The following ARHGAP44 variants were observed in gnomAD, a reference collection of about 807,000 sequenced individuals.
ARHGAP44 encodes Rho GTPase activating protein 44, also known as rho GTPase-activating protein 44.
A neutral mutation model predicts 106.8 loss-of-function variants in ARHGAP44; 43 were observed. The ratio of observed to expected loss-of-function variants is 0.40; its 90% CI spans 0.32 to 0.52. The LOEUF is 0.52. Among genes scored for constraint, ARHGAP44 ranks in the 20% least tolerant of loss-of-function variants. The pLI, the probability that ARHGAP44 is intolerant of heterozygous loss-of-function variation, is 0.48. For synonymous variants in ARHGAP44, 439 were observed against 410.3 expected (o/e 1.07, Z -0.85); for missense variants, 866 against 1,050.5 (o/e 0.82, Z 2.43).
intron 19 of ARHGAP44, among the ~76,000 whole-genome samples, chr17:12,980,670 G>A (rs1247760840): frequency 1.3e-5 from 2 of 152,218 alleles, no homozygotes; most frequent in African/African-American, 4.8e-5. Context: ...GATAGCTTCT[G>A]TAGTACCTGA....
chr17:12,934,438 G>A (rs1441537331), intron 7 of ARHGAP44, among the ~76,000 whole-genome samples: 1 of 152,160 alleles, frequency 6.6e-6, no homozygotes, highest in Non-Finnish European at 1.5e-5. Flanking sequence ...CATGTCATGG[G>A]AAGTAAATGA....
At chr17:12,968,654 C>T (rs559478782) in intron 16 of ARHGAP44, among the ~76,000 whole-genome samples, 23 of 152,226 alleles carry the variant, frequency 1.5e-4, no homozygotes, top group South Asian at 2.1e-4. Flanking sequence ...AGCAGAGCCC[C>T]GCGAGACTAA....
chr17:12,876,032 T>TAGAA (rs1266404776), intron 1 of ARHGAP44, among the ~76,000 whole-genome samples: 1 of 152,250 alleles, frequency 6.6e-6, no homozygotes, highest in African/African-American at 2.4e-5. Context: ...CTAGAAGCTC[T>TAGAA]AACTGCTTTC....
intron 1 of ARHGAP44, among the ~76,000 whole-genome samples, chr17:12,842,148 T>TAAA (rs111785464): frequency 0.025 from 3,589 of 142,396 alleles, 130 homozygotes; most frequent in African/African-American, 0.083. Context: ...CCACTGGGTT[T>TAAA]AAAAAAAAAA....
chr17:12,792,613 G>A (rs543006169), intron 1 of ARHGAP44, among the ~76,000 whole-genome samples: 1 of 152,254 alleles, frequency 6.6e-6, no homozygotes, highest in South Asian at 2.1e-4. Flanking sequence ...TTGGAATTTG[G>A]ACTTTAGGTG....
intron 1 of ARHGAP44, among the ~76,000 whole-genome samples, chr17:12,851,155 C>T (rs1247834302): frequency 1.3e-5 from 2 of 152,246 alleles, no homozygotes; most frequent in East Asian, 3.8e-4. Context: ...TCCCCGGGTC[C>T]TGCCTGTCAG....
rs143615721 is a variant in ARHGAP44 at position 12,937,921 on chromosome 17, T to C, written c.583-3135T>C. The stretch of plus-strand genomic sequence containing the variant: ...TTTGAGACTAGCCTGACCAATATGG[T>C]GAAACCTTGTCTCTTCTAAAAATAC... On this transcript the variant is annotated intron_variant, in intron 7 of 20. Transcript: ENST00000379672. Among the ~76,000 whole-genome samples the C allele has an allele frequency of 3.0e-3, 450 of 152,214 alleles. 9 individuals carry two copies. In the East Asian group the frequency reaches 0.056, roughly 19 times the overall value.
At position 12,970,344 on chromosome 17, in the gene ARHGAP44, C is replaced by T. The variant is rs561567232; in HGVS notation, c.1524-2958C>T. Among the ~76,000 whole-genome samples the T allele has an allele frequency of 1.3e-4, 17 of 127,202 alleles. No homozygotes were observed. In the South Asian group the frequency reaches 1.5e-3, roughly 11 times the overall value. The allele number at this position is 127,202 out of a possible 152,430, so 83.4% of individuals were successfully genotyped here. ...TTATGTCACTGCAGTCCAGCCTGGGCGACAGAGCAAGACCCTGTCTCAAAA... is the reference window on the plus strand; with the variant it reads ...TTATGTCACTGCAGTCCAGCCTGGGTGACAGAGCAAGACCCTGTCTCAAAA... On this transcript the variant is annotated intron_variant, in intron 16 of 20. Transcript: ENST00000379672.
In ARHGAP44 at chr17:12,814,769, T is replaced by C. The variant is rs2034548530; in HGVS notation, c.53+24878T>C. Among the ~76,000 whole-genome samples, 3 of 152,184 alleles carry C rather than the reference T, an allele frequency of 2.0e-5. 1 individual carries two copies. In the South Asian group the frequency reaches 6.2e-4, roughly 32 times the overall value. On this transcript the variant is annotated intron_variant, in intron 1 of 20. Transcript: ENST00000379672. Reference sequence around the variant, plus strand: ...TGGCACACTCCTCCACTGGGTGTACTCCTCTTGTTTTCCTCTCTTCCTTCT... The same window carrying C: ...TGGCACACTCCTCCACTGGGTGTACCCCTCTTGTTTTCCTCTCTTCCTTCT...
At chr17:12,903,083 TGAGA>T (rs67363604) in intron 3 of ARHGAP44, among the ~76,000 whole-genome samples, 1,614 of 69,996 alleles carry the variant, frequency 0.023, 50 homozygotes, top group Admixed American at 0.04. Context: ...AGGGAATATA[TGAGA>T]GAGAGAGAGA....
At chr17:12,928,022 T>G (rs754650375) in intron 6 of ARHGAP44, among the ~76,000 whole-genome samples, 19 of 152,178 alleles carry the variant, frequency 1.2e-4, no homozygotes, top group Non-Finnish European at 7.3e-5. Flanking sequence ...CAGCTACTAC[T>G]ATAGCATAAT....
At chr17:12,806,155 C>T (rs959715813) in intron 1 of ARHGAP44, among the ~76,000 whole-genome samples, 2 of 152,120 alleles carry the variant, frequency 1.3e-5, no homozygotes, top group South Asian at 2.1e-4. Context: ...CAATTATATA[C>T]GCCTTTACAA....
intron 7 of ARHGAP44, among the ~76,000 whole-genome samples, chr17:12,933,380 C>G (rs1317483384): frequency 6.6e-6 from 1 of 152,156 alleles, no homozygotes; most frequent in African/African-American, 2.4e-5. Context: ...AGATTTAGCC[C>G]ACCAGGAAAA....
At position 12,984,619 on chromosome 17, in the gene ARHGAP44, A is replaced by G. The variant is rs2143446853; in HGVS notation, c.2028A>G (p.Pro676=). ...ACCAGTCCGCTGGCCAGCCGTCCCC[A>G]GTCAGCCTGTCCCCCACCCCGCCCA... ...MADQSAGQPS[P]VSLSPTPPST... The change falls in exon 20 of 21, where the codon CCA becomes CCG. Residue 676 remains proline (P), a synonymous_variant. Transcript: ENST00000379672. The G allele has an allele frequency of 1.2e-6, 2 of 1,611,222 alleles. No homozygotes were observed. Among genetic ancestry groups the G allele is most frequent in the African/African-American group, 1.3e-5 (1 of 75,018 alleles).
rs2037898857 is a variant in ARHGAP44, at chr17:12,915,990, G to A, written c.366G>A (p.Glu122=). 1.2e-6 allele frequency: 2 copies of A among 1,613,958 alleles called. No individual in the cohort carries two copies. Among genetic ancestry groups the A allele is most frequent in the Non-Finnish European group, 1.7e-6 (2 of 1,179,870 alleles). Residue 122 remains glutamate, a synonymous_variant, in exon 5 of 21, where the codon GAG becomes GAA. Transcript: ENST00000379672. ...FELQVERDVI[E]PLFLLAEVEI... ...TGCAAGTAGAGAGAGACGTGATTGA[G>A]CCCCTGTTTTTGCTGGCGGAGGTAA...
At chr17:12,921,788 C>T (rs980494211) in intron 6 of ARHGAP44, among the ~76,000 whole-genome samples, 1 of 152,144 alleles carries the variant, frequency 6.6e-6, no homozygotes, top group Admixed American at 6.5e-5. Flanking sequence ...GAGTAACATT[C>T]GTGGGTGGCT....
chr17:12,940,418 A>G (rs561579053), intron 7 of ARHGAP44, among the ~76,000 whole-genome samples: 16 of 152,362 alleles, frequency 1.1e-4, no homozygotes, highest in East Asian at 3.9e-4. Flanking sequence ...CCAGATTTCA[A>G]TGCAGCATTG....
chr17:12,989,923 T>A, intron 20 of ARHGAP44, 109 bp from the exon 21 acceptor site: 4 of 1,472,114 alleles, frequency 2.7e-6, no homozygotes, highest in Non-Finnish European at 1.9e-6. Flanking sequence ...GATCTATCCC[T>A]AGAATAGCAG....
chr17:12,935,774 A>G lies in ARHGAP44; in HGVS notation c.583-5282A>G, dbSNP rs1456095180. On this transcript the variant is annotated intron_variant, in intron 7 of 20. Transcript: ENST00000379672. ...AGGTGAGCCAATGATGTAGAGAAAAATTTGAGAATTTCTTCTAGAATGTTA... is the reference window on the plus strand; with the variant it reads ...AGGTGAGCCAATGATGTAGAGAAAAGTTTGAGAATTTCTTCTAGAATGTTA... 2.0e-5 allele frequency among the ~76,000 whole-genome samples: 3 copies of G among 152,290 alleles called. No individual in the cohort carries two copies. The East Asian group carries it at 5.8e-4, about 29-fold the overall frequency.
Sources: gnomAD v4.1 joint callset for allele counts (sites outside exome capture counted in the v4.1 genomes callset) on GRCh38, gnomAD v4.1.1 for gene constraint, MANE v1.5 for transcripts, NCBI Gene and HGNC (gene_info 2026-07-23, HGNC 2026-07-21) for gene names.